VAT1L: variants seen among roughly 807,000 people sequenced by gnomAD.
VAT1L encodes vesicle amine transport 1 like.
Under a neutral mutation model 44.1 loss-of-function variants are expected in VAT1L, and 34 were observed. The observed-to-expected ratio is 0.77, with a 90% CI of 0.59 to 1.03. The LOEUF is 1.03. Among genes scored for constraint, VAT1L ranks in the 50% least tolerant of loss-of-function variants. VAT1L has a pLI of 0.00. For missense variants in VAT1L, 615 were observed against 538.8 expected (o/e 1.14, Z -1.40); for synonymous variants, 253 against 202.2 (o/e 1.25, Z -2.13).
At chr16:77,840,795 G>A (rs922966914) in intron 3 of VAT1L, among the ~76,000 whole-genome samples, 3 of 152,120 alleles carry the variant, frequency 2.0e-5, no homozygotes, top group Non-Finnish European at 4.4e-5. Context: ...TTCACCTCTC[G>A]AAGTCTCAGC....
chr16:77,804,461 G>C (rs778984556), intron 1 of VAT1L, among the ~76,000 whole-genome samples: 2 of 152,086 alleles, frequency 1.3e-5, no homozygotes, highest in Non-Finnish European at 2.9e-5. Context: ...TTCTGTGTTG[G>C]AAATACTACT....
chr16:77,977,789 G>C lies in VAT1L; in HGVS notation c.*94G>C, dbSNP rs534907343. The C allele has an allele frequency of 2.6e-4, 310 of 1,207,892 alleles. No homozygotes were observed. The highest frequency in any genetic ancestry group is 3.3e-4 in the Non-Finnish European group (276 of 845,618). 74.8% of individuals were successfully genotyped at this position (1,207,892 alleles called of 1,614,324 possible). A position where few individuals can be genotyped will look rare whatever the true frequency, so the allele number is the denominator to read the frequency against. ...TGTGCCCCAGTGAACAAATGCTGTA[G>C]TCCAGTGCGTGTCGTGTTTGTCTGC... On this transcript the variant is annotated 3_prime_UTR_variant, in exon 9 of 9. Transcript: ENST00000302536.
intron 7 of VAT1L, among the ~76,000 whole-genome samples, chr16:77,970,626 T>C (rs1474951446): frequency 6.6e-6 from 1 of 152,216 alleles, no homozygotes; most frequent in Non-Finnish European, 1.5e-5. Flanking sequence ...CTCTGGGACA[T>C]ATAAGTTGCT....
intron 2 of VAT1L, among the ~76,000 whole-genome samples, chr16:77,820,165 T>G (rs1020644763): frequency 3.3e-5 from 5 of 152,206 alleles, no homozygotes; most frequent in Non-Finnish European, 7.3e-5. Flanking sequence ...CTGAGGCCAT[T>G]TCTTTCATGG....
chr16:77,902,051 C>T (rs886983719), intron 7 of VAT1L, among the ~76,000 whole-genome samples: 1 of 152,208 alleles, frequency 6.6e-6, no homozygotes, highest in Non-Finnish European at 1.5e-5. Flanking sequence ...ATAATATAAA[C>T]ACCAGTTATT....
chr16:77,893,354 G>A (rs987350185), intron 7 of VAT1L, among the ~76,000 whole-genome samples: 2 of 152,236 alleles, frequency 1.3e-5, no homozygotes, highest in Non-Finnish European at 2.9e-5. Flanking sequence ...GGAAGCAAGA[G>A]TCAGCAATGA....
At chr16:77,836,908 G>A (rs1449897117) in intron 3 of VAT1L, among the ~76,000 whole-genome samples, 1 of 152,200 alleles carries the variant, frequency 6.6e-6, no homozygotes, top group Non-Finnish European at 1.5e-5. Context: ...GAAGACAGAA[G>A]AGCTAAAGTA....
At chr16:77,977,557 G>C (rs369335016) in intron 8 of VAT1L, 40 bp from the exon 9 acceptor site, 11 of 1,602,348 alleles carry the variant, frequency 6.9e-6, no homozygotes, top group East Asian at 2.2e-5. Flanking sequence ...GACGAGGCTG[G>C]GTTGCACAAC....
At chr16:77,866,433 C>T (rs1222934608) in intron 4 of VAT1L, among the ~76,000 whole-genome samples, 1 of 151,614 alleles carries the variant, frequency 6.6e-6, no homozygotes, top group Non-Finnish European at 1.5e-5. Flanking sequence ...AAGCAGAATG[C>T]CAGATTCCAT....
chr16:77,882,150 C>T (rs1297751082), intron 6 of VAT1L: 2 of 151,970 alleles, frequency 1.3e-5, no homozygotes, highest in Non-Finnish European at 2.9e-5. Flanking sequence ...AGAGGGCCTA[C>T]GAAGAGGTGG....
chr16:77,946,310 G>C (rs542651130), intron 7 of VAT1L, among the ~76,000 whole-genome samples: 1 of 15,626 alleles, frequency 6.4e-5, no homozygotes, highest in Admixed American at 7.5e-4. Context: ...TTGAGACAGA[G>C]TCTCACTCTG....
At chr16:77,943,375 T>C (rs1359878487) in intron 7 of VAT1L, among the ~76,000 whole-genome samples, 1 of 145,012 alleles carries the variant, frequency 6.9e-6, no homozygotes, top group Non-Finnish European at 1.5e-5. Context: ...ATTTTCTTTT[T>C]CTTTCTTTTT....
intron 3 of VAT1L, among the ~76,000 whole-genome samples, chr16:77,855,433 T>A (rs114988203): frequency 0.012 from 1,804 of 151,228 alleles, 37 homozygotes; most frequent in African/African-American, 0.041. Context: ...CACAGGTGAG[T>A]CCTTTCCTTC....
At chr16:77,919,152 ATG>A (rs898281489) in intron 7 of VAT1L, among the ~76,000 whole-genome samples, 41 of 151,948 alleles carry the variant, frequency 2.7e-4, no homozygotes, top group Admixed American at 1.1e-3. Context: ...GTGTGCATGC[ATG>A]TGTGTGCACG....
At chr16:77,934,109 G>A (rs2017764630) in intron 7 of VAT1L, among the ~76,000 whole-genome samples, 2 of 152,182 alleles carry the variant, frequency 1.3e-5, no homozygotes, top group South Asian at 4.1e-4. Flanking sequence ...AGCAAAAATT[G>A]ATGGTAGCCT....
chr16:77,961,901 G>C (rs1433598302), intron 7 of VAT1L, among the ~76,000 whole-genome samples: 1 of 152,180 alleles, frequency 6.6e-6, no homozygotes, highest in Non-Finnish European at 1.5e-5. Context: ...ATGCTATACA[G>C]ATGTGAATAT....
At chr16:77,870,608 T>C (rs1039367263) in intron 4 of VAT1L, among the ~76,000 whole-genome samples, 1 of 152,238 alleles carries the variant, frequency 6.6e-6, no homozygotes, top group African/African-American at 2.4e-5. Context: ...ACAGCAACTC[T>C]GAAATATCTT....
intron 7 of VAT1L, among the ~76,000 whole-genome samples, chr16:77,970,792 G>T (rs573141901): frequency 5.9e-5 from 9 of 152,332 alleles, no homozygotes; most frequent in Non-Finnish European, 1.0e-4. Context: ...TTATCCAAAT[G>T]TGTAGAAGTC....
At chr16:77,937,159 G>T (rs1323005487) in intron 7 of VAT1L, among the ~76,000 whole-genome samples, 1 of 152,158 alleles carries the variant, frequency 6.6e-6, no homozygotes, top group Non-Finnish European at 1.5e-5. Flanking sequence ...GGGATTACAG[G>T]CGTGAGCCAC....
Sources: gnomAD v4.1 joint callset for allele counts (sites outside exome capture counted in the v4.1 genomes callset) on GRCh38, gnomAD v4.1.1 for gene constraint, MANE v1.5 for transcripts, NCBI Gene and HGNC (gene_info 2026-07-23, HGNC 2026-07-21) for gene names.